The following ARHGAP44 variants were observed in gnomAD, a reference collection of about 807,000 sequenced individuals.
ARHGAP44 encodes the protein rho GTPase-activating protein 44.
ARHGAP44 carries 43 observed loss-of-function variants against 106.8 expected under a neutral mutation model. The ratio of observed to expected loss-of-function variants is 0.40; its 90% CI spans 0.32 to 0.52. The LOEUF is 0.52. ARHGAP44 is among the 20% of genes least tolerant of loss of function. The pLI, the probability that ARHGAP44 is intolerant of heterozygous loss-of-function variation, is 0.48. For missense variants in ARHGAP44, 866 were observed against 1,050.5 expected, an observed-to-expected ratio of 0.82 and a Z score of 2.43; for synonymous variants, 439 against 410.3, an observed-to-expected ratio of 1.07 and a Z score of -0.85.
chr17:12,792,361 C>A (rs1011114170), intron 1 of ARHGAP44, among the ~76,000 whole-genome samples: 4 of 152,194 alleles, frequency 2.6e-5, no homozygotes, highest in African/African-American at 9.7e-5. Context: ...CTGCTTCCAG[C>A]AGAATCTATT....
chr17:12,813,762 A>G (rs1364144243), intron 1 of ARHGAP44, among the ~76,000 whole-genome samples: 1 of 147,254 alleles, frequency 6.8e-6, no homozygotes. Flanking sequence ...AGGCATGTTT[A>G]TGTGCATATA....
intron 7 of ARHGAP44, among the ~76,000 whole-genome samples, chr17:12,939,397 G>A (rs1019916288): frequency 2.0e-5 from 3 of 152,140 alleles, no homozygotes; most frequent in Non-Finnish European, 4.4e-5. Context: ...ACCTAAGAGA[G>A]TTAGAGGAGA....
intron 10 of ARHGAP44, among the ~76,000 whole-genome samples, chr17:12,945,905 G>C (rs1567701474): frequency 6.6e-6 from 1 of 152,054 alleles, no homozygotes; most frequent in Non-Finnish European, 1.5e-5. Context: ...TCCTACTTCA[G>C]CCTCCCAAGT....
chr17:12,830,489 A>G (rs947842771), intron 1 of ARHGAP44, among the ~76,000 whole-genome samples: 3 of 152,150 alleles, frequency 2.0e-5, no homozygotes, highest in Non-Finnish European at 4.4e-5. Flanking sequence ...TCATGGCTCA[A>G]ACTTCTTATC....
intron 1 of ARHGAP44, among the ~76,000 whole-genome samples, chr17:12,837,925 A>G (rs1488220237): frequency 6.6e-6 from 1 of 152,092 alleles, no homozygotes; most frequent in African/African-American, 2.4e-5. Context: ...TGCTCCATTG[A>G]GAACCCATCC....
At position 12,990,861 on chromosome 17, in the gene ARHGAP44, A is replaced by G. The variant is rs978079397; in HGVS notation, c.*690A>G. 1.2e-4 allele frequency: 19 copies of G among 152,192 alleles called. No individual in the cohort carries two copies. Among genetic ancestry groups the G allele is most frequent in the African/African-American group, 4.6e-4 (19 of 41,420 alleles). 9.4% of individuals were successfully genotyped at this position (152,192 alleles called of 1,614,324 possible). A position where few individuals can be genotyped will look rare whatever the true frequency, so the allele number is the denominator to read the frequency against. ...TATCATTTTATATTTCTGAATCTAT[A>G]AAACAAAACAAACAAGCCTGACAGT... On this transcript the variant is annotated 3_prime_UTR_variant, in exon 21 of 21. Coordinates refer to ENST00000379672, the MANE Select transcript of ARHGAP44 (RefSeq NM_014859.6).
intron 1 of ARHGAP44, among the ~76,000 whole-genome samples, chr17:12,841,743 C>G (rs1240145115): frequency 1.3e-5 from 2 of 151,980 alleles, no homozygotes; most frequent in Non-Finnish European, 2.9e-5. Flanking sequence ...GCTACTTAAC[C>G]TCTCTGAGCT....
At chr17:12,962,079 A>AT (rs1555564136) in intron 16 of ARHGAP44, among the ~76,000 whole-genome samples, 112 of 149,850 alleles carry the variant, frequency 7.5e-4, no homozygotes, top group African/African-American at 1.1e-3. Context: ...AGTTAAAAAA[A>AT]AATATATATA....
intron 1 of ARHGAP44, among the ~76,000 whole-genome samples, chr17:12,838,779 C>G (rs1158628994): frequency 2.0e-5 from 3 of 152,120 alleles, no homozygotes; most frequent in Non-Finnish European, 4.4e-5. Flanking sequence ...TCAAGCGATT[C>G]TCCTGCCTCA....
chr17:12,896,548 G>A (rs747555699), intron 3 of ARHGAP44, 37 bp downstream of exon 3: 15 of 1,539,936 alleles, frequency 9.7e-6, no homozygotes, highest in South Asian at 5.9e-5. Flanking sequence ...CTGAAATCTT[G>A]CCTACTGAGG....
intron 3 of ARHGAP44, among the ~76,000 whole-genome samples, chr17:12,898,951 G>A (rs1389673396): frequency 8.5e-6 from 1 of 117,934 alleles, no homozygotes; most frequent in East Asian, 3.3e-4. Flanking sequence ...TGATTTCACT[G>A]CATGGATTTA....
intron 6 of ARHGAP44, among the ~76,000 whole-genome samples, chr17:12,926,415 T>A (rs1029164888): frequency 2.1e-5 from 3 of 142,254 alleles, no homozygotes; most frequent in African/African-American, 7.6e-5. Context: ...ATATATATAA[T>A]ATATATGTAT....
chr17:12,813,088 G>C (rs528034969), intron 1 of ARHGAP44, among the ~76,000 whole-genome samples: 63 of 152,288 alleles, frequency 4.1e-4, no homozygotes, highest in African/African-American at 1.3e-3. Context: ...TCTCCTTAGA[G>C]CTGCTTTGCA....
chr17:12,885,486 G>A (rs1325773503), intron 1 of ARHGAP44, among the ~76,000 whole-genome samples: 1 of 151,596 alleles, frequency 6.6e-6, no homozygotes, highest in African/African-American at 2.4e-5. Context: ...CTAGCAATGT[G>A]TGAGAGTTCC....
chr17:12,843,064 C>T (rs978789854), intron 1 of ARHGAP44, among the ~76,000 whole-genome samples: 2 of 151,664 alleles, frequency 1.3e-5, no homozygotes, highest in African/African-American at 2.4e-5. Context: ...GACCTTAGCC[C>T]CCACATTGTC....
At chr17:12,960,607 C>T (rs2039239213) in intron 16 of ARHGAP44, among the ~76,000 whole-genome samples, 1 of 151,862 alleles carries the variant, frequency 6.6e-6, no homozygotes, top group Non-Finnish European at 1.5e-5. Context: ...GTCACCCGGG[C>T]TGGAGTGTGG....
intron 10 of ARHGAP44, among the ~76,000 whole-genome samples, chr17:12,944,688 A>C (rs1315829873): frequency 3.6e-4 from 50 of 139,756 alleles, no homozygotes; most frequent in African/African-American, 1.1e-3. Flanking sequence ...ATGGGGTTTC[A>C]CCATGTTGGC....
At chr17:12,877,419 A>C (rs1192750975) in intron 1 of ARHGAP44, among the ~76,000 whole-genome samples, 1 of 152,218 alleles carries the variant, frequency 6.6e-6, no homozygotes, top group African/African-American at 2.4e-5. Flanking sequence ...AAAGAATCTC[A>C]ACCATTTTAA....
intron 1 of ARHGAP44, among the ~76,000 whole-genome samples, chr17:12,836,718 A>C (rs529268013): frequency 3.2e-4 from 49 of 152,256 alleles, no homozygotes; most frequent in Admixed American, 1.1e-3. Context: ...GTTTATCAGA[A>C]ACACACAATA....
Sources: gnomAD v4.1 joint callset for allele counts (sites outside exome capture counted in the v4.1 genomes callset) on GRCh38, gnomAD v4.1.1 for gene constraint, MANE v1.5 for transcripts, NCBI Gene and HGNC (gene_info 2026-07-23, HGNC 2026-07-21) for gene names.